ABRAXAS2: variants seen among roughly 807,000 people sequenced by gnomAD.
The protein encoded by ABRAXAS2 is abraxas 2, BRISC complex subunit.
A neutral mutation model predicts 49.0 loss-of-function variants in ABRAXAS2; 23 were observed. The ratio of observed to expected loss-of-function variants is 0.47; its 90% confidence interval spans 0.34 to 0.66. The LOEUF (loss-of-function observed/expected upper bound fraction) is 0.66. Ranked by LOEUF, ABRAXAS2 falls within the 30% of genes least tolerant of loss-of-function variation. The pLI is 0.01. For synonymous variants in ABRAXAS2, 168 were observed against 180.2 expected (o/e 0.93, Z 0.54); for missense variants, 443 against 511.9 (o/e 0.87, Z 1.30).
intron 4 of ABRAXAS2, among the ~76,000 whole-genome samples, chr10:124,822,730 T>G (rs937456780): frequency 6.7e-6 from 1 of 149,998 alleles, no homozygotes; most frequent in African/African-American, 2.5e-5. Flanking sequence ...AGGTGGAGGT[T>G]GCAGTGAGCT....
Position 124,801,916 on chromosome 10 carries a change from C to G in ABRAXAS2, c.72+15C>G. On this transcript the variant is annotated intron_variant, in intron 1 of 8. Coordinates refer to ENST00000298492, the MANE Select transcript of ABRAXAS2 (RefSeq NM_032182.4). ...ACGCGGACCACGTAGGTGCCGGGCC[C>G]CCTGCCGCGCCCGCTGGGGGCTTTC... 6.2e-7 allele frequency: 1 copy of G among 1,610,760 alleles called. No homozygotes were observed. The highest frequency in any genetic ancestry group is 8.5e-7 in the Non-Finnish European group (1 of 1,178,670).
intron 7 of ABRAXAS2, among the ~76,000 whole-genome samples, chr10:124,830,872 C>T (rs1950928407): frequency 6.6e-6 from 1 of 152,216 alleles, no homozygotes; most frequent in Non-Finnish European, 1.5e-5. Context: ...GATGTAGTCT[C>T]AGATAGCTAT....
intron 4 of ABRAXAS2, among the ~76,000 whole-genome samples, chr10:124,823,047 T>C (rs1950872588): frequency 6.6e-6 from 1 of 152,220 alleles, no homozygotes; most frequent in South Asian, 2.1e-4. Flanking sequence ...ATTAGTGATA[T>C]GAGTTTGTTG....
chr10:124,811,095 C>T (rs959725421), intron 2 of ABRAXAS2, among the ~76,000 whole-genome samples: 3 of 151,682 alleles, frequency 2.0e-5, no homozygotes, highest in Admixed American at 6.6e-5. Flanking sequence ...CCTGTAGTCC[C>T]AGCTATGCGG....
At chr10:124,814,801 C>T (rs1950813250) in intron 2 of ABRAXAS2, among the ~76,000 whole-genome samples, 2 of 151,928 alleles carry the variant, frequency 1.3e-5, no homozygotes, top group Admixed American at 6.6e-5. Flanking sequence ...CGCGCGCCAC[C>T]ACACCCAGCT....
rs781340803 is a variant in ABRAXAS2 at position 124,810,939 on chromosome 10, G to T, written c.163+4018G>T. 8.5e-4 allele frequency among the ~76,000 whole-genome samples: 129 copies of T among 151,260 alleles called. No individual in the cohort carries two copies. In the Middle Eastern group the frequency reaches 0.01, roughly 12 times the overall value. ...CTTAATTCTTTAAAACCCTAAAACAGCCGGGCGTGGTGGCTCACGCCTGTA... is the reference window on the plus strand; with the variant it reads ...CTTAATTCTTTAAAACCCTAAAACATCCGGGCGTGGTGGCTCACGCCTGTA... On this transcript the variant is annotated intron_variant, in intron 2 of 8. Coordinates refer to ENST00000298492, the MANE Select transcript of ABRAXAS2 (RefSeq NM_032182.4).
chr10:124,814,997 G>C (rs1950814473), intron 2 of ABRAXAS2: 1 of 152,084 alleles, frequency 6.6e-6, no homozygotes, highest in Admixed American at 6.6e-5. Flanking sequence ...GGGGGAAAGA[G>C]TAGAACAAGG....
intron 7 of ABRAXAS2, among the ~76,000 whole-genome samples, chr10:124,830,935 T>G (rs1008871438): frequency 3.9e-5 from 6 of 152,238 alleles, no homozygotes; most frequent in African/African-American, 1.4e-4. Context: ...TTAAAAATAT[T>G]TTCTGTTAAA....
chr10:124,808,096 G>T (rs1433118196), intron 2 of ABRAXAS2, among the ~76,000 whole-genome samples: 1 of 151,952 alleles, frequency 6.6e-6, no homozygotes, highest in Non-Finnish European at 1.5e-5. Context: ...GTCCTTTCAG[G>T]TACACTTCAG....
At chr10:124,819,341 A>G (rs1950846087) in intron 3 of ABRAXAS2, 43 bp from the exon 4 acceptor site, 5 of 1,537,010 alleles carry the variant, frequency 3.3e-6, no homozygotes, top group Non-Finnish European at 4.5e-6. Context: ...TCTATGTCAC[A>G]ATACTATGTG....
intron 2 of ABRAXAS2, among the ~76,000 whole-genome samples, chr10:124,815,887 C>T (rs1030294865): frequency 3.6e-5 from 5 of 137,376 alleles, no homozygotes; most frequent in Admixed American, 2.5e-4. Flanking sequence ...AAGCTGTCCT[C>T]GCAGCTTTTT....
intron 3 of ABRAXAS2, among the ~76,000 whole-genome samples, chr10:124,818,522 C>G (rs1206854529): frequency 6.6e-6 from 1 of 152,142 alleles, no homozygotes; most frequent in African/African-American, 2.4e-5. Context: ...GAGTGACTTG[C>G]CCCAGATCAT....
intron 3 of ABRAXAS2, among the ~76,000 whole-genome samples, chr10:124,817,311 C>T (rs1950831006): frequency 6.6e-6 from 1 of 152,062 alleles, no homozygotes; most frequent in African/African-American, 2.4e-5. Flanking sequence ...AAGGGAGAAA[C>T]GTTCGGAAAG....
intron 4 of ABRAXAS2, among the ~76,000 whole-genome samples, chr10:124,825,341 T>A (rs1022848137): frequency 6.8e-6 from 1 of 146,566 alleles, no homozygotes; most frequent in African/African-American, 2.5e-5. Context: ...AAAAAAAAAT[T>A]ATACCCTGAG....
At chr10:124,821,705 T>C (rs967799188) in intron 4 of ABRAXAS2, among the ~76,000 whole-genome samples, 1 of 152,226 alleles carries the variant, frequency 6.6e-6, no homozygotes, top group South Asian at 2.1e-4. Context: ...AAAAGGTTAG[T>C]AATACCCAGT....
chr10:124,830,632 A>G (rs2134172747), intron 7 of ABRAXAS2, among the ~76,000 whole-genome samples: 1 of 152,352 alleles, frequency 6.6e-6, no homozygotes, highest in Admixed American at 6.5e-5. Flanking sequence ...AACTTTATAC[A>G]GACTCACTGG....
In ABRAXAS2 at chr10:124,826,680, G is replaced by A. The variant is rs140695652; in HGVS notation, c.353G>A (p.Arg118His). 489 of 1,614,138 alleles carry A rather than the reference G, an allele frequency of 3.0e-4. No individual in the cohort carries two copies. The highest frequency in any genetic ancestry group is 4.8e-4 in the Admixed American group (29 of 60,008). Reference sequence around the variant, plus strand: ...CAGGTTCTTCACAAGCAGCTCACCCGCATCCTCGGCGTGCCCGACCTCGTC... The same window carrying A: ...CAGGTTCTTCACAAGCAGCTCACCCACATCCTCGGCGTGCCCGACCTCGTC... ...REQVLHKQLT[R>H]ILGVPDLVFL... Residue 118 changes from arginine to histidine, a missense_variant, in exon 5 of 9, where the codon CGC becomes CAC. Arg to His is a conservative substitution (Grantham distance 29, BLOSUM62 0). This residue lies in a region of ABRAXAS2 where 166 missense variants were observed against 247.3 expected (regional missense o/e 0.67). Transcript: ENST00000298492.
At chr10:124,815,225 C>T (rs1022411800) in intron 2 of ABRAXAS2, among the ~76,000 whole-genome samples, 2 of 151,718 alleles carry the variant, frequency 1.3e-5, no homozygotes, top group African/African-American at 4.8e-5. Flanking sequence ...GACGGAGTCT[C>T]GCACTGTCAC....
Position 124,835,548 on chromosome 10 carries a change from T to C in ABRAXAS2, c.*577T>C, listed in dbSNP as rs1950964058. The C allele has an allele frequency of 6.6e-6, 1 of 152,612 alleles. No homozygotes were observed. Among genetic ancestry groups the C allele is most frequent in the African/African-American group, 2.4e-5 (1 of 41,442 alleles). 9.5% of individuals were successfully genotyped at this position (152,612 alleles called of 1,614,324 possible). A position where few individuals can be genotyped will look rare whatever the true frequency, so the allele number is the denominator to read the frequency against. Reference sequence around the variant, plus strand: ...TAAAAGAGAGGGCTTCCAACTTTTTTCTACTAGCTTGATATGTATTATCAC... The same window carrying C: ...TAAAAGAGAGGGCTTCCAACTTTTTCCTACTAGCTTGATATGTATTATCAC... On this transcript the variant is annotated 3_prime_UTR_variant, in exon 9 of 9. Transcript: ENST00000298492.
Sources: gnomAD v4.1 joint callset for allele counts (sites outside exome capture counted in the v4.1 genomes callset) on GRCh38, gnomAD v4.1.1 for gene constraint, gnomAD v4.1.1 regional missense constraint, MANE v1.5 for transcripts, NCBI Gene and HGNC (gene_info 2026-07-23, HGNC 2026-07-21) for gene names.